Variants in GRID2 observed in about 807,000 individuals in gnomAD.
GRID2 encodes glutamate ionotropic receptor delta type subunit 2.
Under a neutral mutation model 114.8 loss-of-function variants are expected in GRID2, and 33 were observed. That is an observed-to-expected ratio of 0.29 (90% CI 0.22 to 0.38). GRID2 has a LOEUF of 0.38. Among genes scored for constraint, GRID2 ranks in the 10% least tolerant of loss-of-function variants. GRID2 has a pLI of 1.00. For missense variants in GRID2, 1,184 were observed against 1,257.7 expected, an observed-to-expected ratio of 0.94 and a Z score of 0.89; for synonymous variants, 505 against 449.9, an observed-to-expected ratio of 1.12 and a Z score of -1.55.
At chr4:92,402,558 A>G (rs1164031528) in intron 1 of GRID2, among the ~76,000 whole-genome samples, 1 of 152,204 alleles carries the variant, frequency 6.6e-6, no homozygotes, top group Non-Finnish European at 1.5e-5. Context: ...GGATGACCAG[A>G]TCCACTGCAA....
intron 2 of GRID2, among the ~76,000 whole-genome samples, chr4:92,713,815 C>A (rs1384442607): frequency 1.3e-5 from 2 of 151,900 alleles, no homozygotes; most frequent in Admixed American, 6.6e-5. Context: ...CCCCATGATA[C>A]AATTACCTCC....
At chr4:93,741,197 ATATG>A (rs1343356165) in intron 14 of GRID2, among the ~76,000 whole-genome samples, 1,055 of 30,576 alleles carry the variant, frequency 0.035, 107 homozygotes, top group African/African-American at 0.081. Context: ...ATATATATAT[ATATG>A]TATATATATA....
At chr4:93,472,764 C>A (rs555972017) in intron 11 of GRID2, among the ~76,000 whole-genome samples, 1 of 152,108 alleles carries the variant, frequency 6.6e-6, no homozygotes, top group Non-Finnish European at 1.5e-5. Flanking sequence ...AAAGATGTTT[C>A]ATCATCAAAC....
intron 2 of GRID2, among the ~76,000 whole-genome samples, chr4:92,942,356 T>C (rs1316953325): frequency 6.6e-6 from 1 of 152,192 alleles, no homozygotes; most frequent in Non-Finnish European, 1.5e-5. Context: ...TATTTGTTGG[T>C]TTAAAGTCTG....
At chr4:92,772,509 G>A (rs1322681414) in intron 2 of GRID2, among the ~76,000 whole-genome samples, 1 of 152,020 alleles carries the variant, frequency 6.6e-6, no homozygotes, top group Non-Finnish European at 1.5e-5. Flanking sequence ...GAAAACATAT[G>A]CTCTGTGTTA....
At chr4:92,475,508 T>C (rs1350189141) in intron 1 of GRID2, among the ~76,000 whole-genome samples, 1 of 151,894 alleles carries the variant, frequency 6.6e-6, no homozygotes, top group Admixed American at 6.6e-5. Context: ...TTCTAGTCTG[T>C]CTGCATTGTT....
Position 93,295,208 on chromosome 4 carries a change from C to T in GRID2, c.1245+56718C>T, listed in dbSNP as rs77811654. ...TTAAAAATAAATTCAAAGGGATCAG[C>T]ACATGGGGAAGATTTAAAATAAATC... On this transcript the variant is annotated intron_variant, in intron 8 of 15. Transcript: ENST00000282020. 1.1e-4 allele frequency among the ~76,000 whole-genome samples: 16 copies of T among 152,164 alleles called. No individual in the cohort carries two copies. In the East Asian group the frequency reaches 1.2e-3, roughly 11 times the overall value.
chr4:92,936,530 G>C (rs1578527011), intron 2 of GRID2, among the ~76,000 whole-genome samples: 1 of 145,862 alleles, frequency 6.9e-6, no homozygotes, highest in East Asian at 2.2e-4. Flanking sequence ...TTATTATCTA[G>C]TATTTAATCA....
At chr4:93,077,311 C>A (rs1392305606) in intron 2 of GRID2, among the ~76,000 whole-genome samples, 1 of 152,106 alleles carries the variant, frequency 6.6e-6, no homozygotes, top group Admixed American at 6.6e-5. Context: ...AGGTAGATAG[C>A]AGTAACTGAG....
intron 1 of GRID2, among the ~76,000 whole-genome samples, chr4:92,528,012 TG>T (rs982093329): frequency 5.9e-5 from 9 of 152,006 alleles, no homozygotes; most frequent in Admixed American, 2.6e-4. Context: ...ATGATATTTT[TG>T]ACACATAATT....
chr4:93,427,670 T>A (rs1217106275), intron 10 of GRID2, among the ~76,000 whole-genome samples: 1 of 151,930 alleles, frequency 6.6e-6, no homozygotes, highest in Non-Finnish European at 1.5e-5. Context: ...AGTGGTCCAG[T>A]ACATACATAC....
intron 1 of GRID2, among the ~76,000 whole-genome samples, chr4:92,441,255 G>T (rs1733056450): frequency 6.6e-6 from 1 of 152,104 alleles, no homozygotes; most frequent in Non-Finnish European, 1.5e-5. Context: ...GTGTTTTTAT[G>T]AGAATTATGC....
intron 11 of GRID2, among the ~76,000 whole-genome samples, chr4:93,483,461 T>C (rs1018779978): frequency 6.6e-6 from 1 of 151,966 alleles, no homozygotes; most frequent in African/African-American, 2.4e-5. Flanking sequence ...TTTAAACCTA[T>C]AAGAAGTGGA....
In GRID2 at chr4:93,424,656, A is replaced by G. The variant is rs139768821; in HGVS notation, c.1545+1688A>G. The stretch of plus-strand genomic sequence containing the variant: ...TTTAGAAATTTAATTATGATGTTCT[A>G]GATATGATTTTCTTTGCATTTATTG... On this transcript the variant is annotated intron_variant, in intron 10 of 15. Transcript: ENST00000282020. Among the ~76,000 whole-genome samples, 29 of 152,198 alleles carry G rather than the reference A, an allele frequency of 1.9e-4. No homozygotes were observed. In the East Asian group the frequency reaches 5.0e-3, roughly 26 times the overall value.
At chr4:93,606,118 T>G (rs1242639128) in intron 13 of GRID2, among the ~76,000 whole-genome samples, 1 of 151,942 alleles carries the variant, frequency 6.6e-6, no homozygotes, top group Non-Finnish European at 1.5e-5. Flanking sequence ...AATACAAAAA[T>G]TAGCTGGGCG....
chr4:92,875,073 G>T (rs577513280), intron 2 of GRID2, among the ~76,000 whole-genome samples: 1 of 151,218 alleles, frequency 6.6e-6, no homozygotes, highest in Non-Finnish European at 1.5e-5. Context: ...TTAAATTTAC[G>T]GTGAAATTTC....
intron 8 of GRID2, among the ~76,000 whole-genome samples, chr4:93,312,016 G>A (rs897687803): frequency 6.6e-6 from 1 of 152,046 alleles, no homozygotes; most frequent in African/African-American, 2.4e-5. Context: ...TTAGGCAGGA[G>A]AGATTTGAAT....
chr4:92,775,499 T>G (rs992305370), intron 2 of GRID2, among the ~76,000 whole-genome samples: 2 of 152,304 alleles, frequency 1.3e-5, no homozygotes. Context: ...CTTGCTGATA[T>G]AGCAAACTAA....
intron 2 of GRID2, among the ~76,000 whole-genome samples, chr4:92,763,935 G>A (rs1022908142): frequency 6.6e-6 from 1 of 152,032 alleles, no homozygotes; most frequent in Non-Finnish European, 1.5e-5. Flanking sequence ...TTTGGTTGCT[G>A]GGTGGAGAAT....
Sources: gnomAD v4.1 joint callset for allele counts (sites outside exome capture counted in the v4.1 genomes callset) on GRCh38, gnomAD v4.1.1 for gene constraint, MANE v1.5 for transcripts, NCBI Gene and HGNC (gene_info 2026-07-23, HGNC 2026-07-21) for gene names.